Variants in EDIL3 observed in about 807,000 individuals in gnomAD.
The protein encoded by EDIL3 is EGF like and discoidin domains 3.
In EDIL3, 37 loss-of-function variants were observed where a neutral mutation model predicts 67.4. The observed-to-expected ratio is 0.55, with a 90% CI of 0.42 to 0.72. The LOEUF is 0.72. Among genes scored for constraint, EDIL3 ranks in the 30% least tolerant of loss-of-function variants. EDIL3 has a pLI of 0.00. For synonymous variants in EDIL3, 195 were observed against 196.3 expected (o/e 0.99, Z 0.05); for missense variants, 527 against 586.3 (o/e 0.90, Z 1.04).
chr5:84,193,743 T>C (rs1295573931), intron 3 of EDIL3, among the ~76,000 whole-genome samples: 1 of 151,954 alleles, frequency 6.6e-6, no homozygotes. Flanking sequence ...TAATGAACAA[T>C]TTAACATGTA....
chr5:84,219,979 G>C (rs955769643), intron 3 of EDIL3, among the ~76,000 whole-genome samples: 2 of 152,114 alleles, frequency 1.3e-5, no homozygotes, highest in African/African-American at 4.8e-5. Context: ...TAGTGGGGTG[G>C]GGAGTGGGGA....
At chr5:84,105,474 A>G (rs1384128530) in intron 6 of EDIL3, among the ~76,000 whole-genome samples, 2 of 152,154 alleles carry the variant, frequency 1.3e-5, no homozygotes, top group Non-Finnish European at 2.9e-5. Context: ...TTAGCCATAA[A>G]TCAATTTTCG....
rs543945460 is a variant in EDIL3 at position 84,295,141 on chromosome 5, T to C, written c.68-40929A>G. ...AGAAAATGAAAAATTTTAGTACTTT[T>C]TTCTATTCCCATGCTATATATCATA... On this transcript the variant is annotated intron_variant, in intron 1 of 10. Transcript: ENST00000296591. Among the ~76,000 whole-genome samples, 28 of 152,246 alleles carry C rather than the reference T, an allele frequency of 1.8e-4. 1 individual carries two copies. In the South Asian group the frequency reaches 5.6e-3, roughly 30 times the overall value.
Position 84,144,873 on chromosome 5 carries a change from G to T in EDIL3, c.356-7519C>A, listed in dbSNP as rs113732094. Among the ~76,000 whole-genome samples, 757 of 152,070 alleles carry T rather than the reference G, an allele frequency of 5.0e-3. 13 individuals are homozygous for T. The highest frequency in any genetic ancestry group is 0.037 in the East Asian group (192 of 5,152). On this transcript the variant is annotated intron_variant, in intron 4 of 10. Coordinates refer to ENST00000296591, the MANE Select transcript of EDIL3 (RefSeq NM_005711.5). ...GTCAATCTTAATAATCAACCATTTTGGAGTTTTTCCTATAGTGAGTTATCA... is the reference window on the plus strand; with the variant it reads ...GTCAATCTTAATAATCAACCATTTTTGAGTTTTTCCTATAGTGAGTTATCA...
At chr5:83,949,663 G>A (rs60352993) in intron 10 of EDIL3, among the ~76,000 whole-genome samples, 2,653 of 151,896 alleles carry the variant, frequency 0.017, 82 homozygotes, top group African/African-American at 0.061. Context: ...CTTCTGCAGA[G>A]TTTAGGATGT....
At chr5:84,134,614 C>T (rs1486066785) in intron 5 of EDIL3, among the ~76,000 whole-genome samples, 1 of 152,166 alleles carries the variant, frequency 6.6e-6, no homozygotes, top group African/African-American at 2.4e-5. Context: ...CCCCTTTTTA[C>T]TCTAGATTTT....
At chr5:84,184,494 C>G (rs759395768) in intron 3 of EDIL3, among the ~76,000 whole-genome samples, 8 of 152,178 alleles carry the variant, frequency 5.3e-5, no homozygotes, top group Non-Finnish European at 1.0e-4. Context: ...GTTGTTTGCA[C>G]AGATGCTATG....
intron 9 of EDIL3, among the ~76,000 whole-genome samples, chr5:84,018,559 A>T (rs57877116): frequency 0.23 from 35,413 of 152,058 alleles, 4,241 homozygotes; most frequent in Admixed American, 0.26. Flanking sequence ...TCAAGAGTCA[A>T]AAAGTGCCAT....
chr5:84,320,029 A>G (rs1247590102), intron 1 of EDIL3, among the ~76,000 whole-genome samples: 1 of 152,186 alleles, frequency 6.6e-6, no homozygotes, highest in African/African-American at 2.4e-5. Context: ...GAGGGAAAGC[A>G]TTAGGAGAAA....
At chr5:84,259,499 A>G (rs1406883757) in intron 1 of EDIL3, among the ~76,000 whole-genome samples, 1 of 152,230 alleles carries the variant, frequency 6.6e-6, no homozygotes, top group African/African-American at 2.4e-5. Context: ...TTATGGTTCC[A>G]TCTGCAGTTT....
chr5:84,254,149 C>T lies in EDIL3; in HGVS notation c.131G>A (p.Gly44Asp). The T allele has an allele frequency of 6.2e-7, 1 of 1,613,038 alleles. No individual in the cohort carries two copies. Among genetic ancestry groups the T allele is most frequent in the Non-Finnish European group, 8.5e-7 (1 of 1,179,430 alleles). Residue 44 changes from glycine (G) to aspartate (D), a missense_variant, in exon 2 of 11, where the codon GGT (glycine) becomes GAT (aspartate). Transcript: ENST00000296591. ...ATCTGGACACTCACAGGAAAAGGAACCATCAGCCAATCCTGGCAAACAGAT... is the reference window on the plus strand; with the variant it reads ...ATCTGGACACTCACAGGAAAAGGAATCATCAGCCAATCCTGGCAAACAGAT... The part of the protein sequence containing the change: ...GGICLPGLAD[G>D]SFSCECPDGF...
chr5:84,370,616 T>C (rs1747823337), intron 1 of EDIL3, among the ~76,000 whole-genome samples: 1 of 152,208 alleles, frequency 6.6e-6, no homozygotes, highest in Admixed American at 6.5e-5. Context: ...AGCTCCCATA[T>C]AGTATTAAAA....
At chr5:84,213,262 T>C (rs948377651) in intron 3 of EDIL3, among the ~76,000 whole-genome samples, 2 of 152,088 alleles carry the variant, frequency 1.3e-5, no homozygotes, top group African/African-American at 4.8e-5. Flanking sequence ...TAGGCAAAGA[T>C]GCAGAATGCT....
chr5:84,295,511 C>A, intron 1 of EDIL3, among the ~76,000 whole-genome samples: 1 of 151,894 alleles, frequency 6.6e-6, no homozygotes, highest in Non-Finnish European at 1.5e-5. Flanking sequence ...GAATATTCAA[C>A]AAGAATTAAT....
intron 9 of EDIL3, among the ~76,000 whole-genome samples, chr5:83,968,954 A>G (rs529728507): frequency 6.6e-6 from 1 of 151,948 alleles, no homozygotes; most frequent in African/African-American, 2.4e-5. Context: ...AACTTTAAAA[A>G]CAAGTCTGTT....
At position 83,942,595 on chromosome 5, in the gene EDIL3, T is replaced by C. The variant is rs1366768140; in HGVS notation, c.*824A>G. On this transcript the variant is annotated 3_prime_UTR_variant, in exon 11 of 11. Coordinates refer to ENST00000296591, the MANE Select transcript of EDIL3 (RefSeq NM_005711.5). ...CAAACTGAGAGTATGGGATTCTTTA[T>C]GAAGCAATTATTTGGAAATTAAATA... The C allele has an allele frequency of 6.6e-6, 1 of 152,104 alleles. No homozygotes were observed. Among genetic ancestry groups the C allele is most frequent in the Non-Finnish European group, 1.5e-5 (1 of 67,974 alleles). The allele number at this position is 152,104 out of a possible 1,614,324, so 9.4% of individuals were successfully genotyped here. A position where few individuals can be genotyped will look rare whatever the true frequency, so the allele number is the denominator to read the frequency against.
intron 5 of EDIL3, among the ~76,000 whole-genome samples, chr5:84,125,708 T>G (rs1747857882): frequency 6.6e-6 from 1 of 152,006 alleles, no homozygotes; most frequent in African/African-American, 2.4e-5. Flanking sequence ...TTATACATAA[T>G]CCTATGATTC....
intron 3 of EDIL3, among the ~76,000 whole-genome samples, chr5:84,197,667 A>T (rs13183009): frequency 0.14 from 21,426 of 151,810 alleles, 1,651 homozygotes; most frequent in Non-Finnish European, 0.16. Flanking sequence ...CAAAAAAAAA[A>T]AAGCAAACAA....
intron 7 of EDIL3, among the ~76,000 whole-genome samples, chr5:84,066,122 A>C (rs944611301): frequency 2.0e-5 from 3 of 152,026 alleles, no homozygotes; most frequent in Admixed American, 6.5e-5. Flanking sequence ...CTCAAAAAAA[A>C]AAAAAAAAAA....
Sources: allele counts gnomAD v4.1 joint callset (sites outside exome capture counted in the v4.1 genomes callset), GRCh38; gene constraint gnomAD v4.1.1; transcripts MANE v1.5; gene names NCBI Gene and HGNC (gene_info 2026-07-23, HGNC 2026-07-21).